PHTF2: variants seen among roughly 807,000 people sequenced by gnomAD.
PHTF2 encodes protein PHTF2.
A neutral mutation model predicts 101.2 loss-of-function variants in PHTF2; 60 were observed. That is an observed-to-expected ratio of 0.59 (90% CI 0.48 to 0.73). The LOEUF is 0.73. PHTF2 is among the 30% of genes least tolerant of loss of function. PHTF2 has a pLI of 0.00. For missense variants in PHTF2, 747 were observed against 908.7 expected (o/e 0.82, Z 2.29); for synonymous variants, 311 against 307.3 (o/e 1.01, Z -0.13).
chr7:77,819,357 T>A (rs1405099598), intron 1 of PHTF2, among the ~76,000 whole-genome samples: 1 of 152,258 alleles, frequency 6.6e-6, no homozygotes, highest in Non-Finnish European at 1.5e-5. Context: ...GTCAGTATGA[T>A]GTTAGCTTTG....
At chr7:77,949,111 G>A (rs1346783937) in intron 16 of PHTF2, among the ~76,000 whole-genome samples, 1 of 151,424 alleles carries the variant, frequency 6.6e-6, no homozygotes, top group Non-Finnish European at 1.5e-5. Flanking sequence ...CTTTAACATA[G>A]GAGTTAGAAT....
chr7:77,900,891 T>C, intron 6 of PHTF2, 111 bp downstream of exon 5: 2 of 637,428 alleles, frequency 3.1e-6, no homozygotes, highest in South Asian at 3.5e-5. Flanking sequence ...TATAAAGAAA[T>C]ACTTGAGATT....
chr7:77,922,538 A>T, intron 10 of PHTF2, 85 bp from the exon 10 acceptor site: 1 of 1,012,338 alleles, frequency 9.9e-7, no homozygotes. Flanking sequence ...GTATATATGT[A>T]TGTGTAATTT....
chr7:77,891,064 T>C, intron 3 of PHTF2, among the ~76,000 whole-genome samples: 1 of 151,510 alleles, frequency 6.6e-6, no homozygotes, highest in East Asian at 1.9e-4. Flanking sequence ...CACACTACCA[T>C]GCCCAGCTAA....
chr7:77,878,433 G>C (rs1362892472), intron 3 of PHTF2, among the ~76,000 whole-genome samples: 1 of 152,162 alleles, frequency 6.6e-6, no homozygotes, highest in African/African-American at 2.4e-5. Flanking sequence ...TTTTACAATA[G>C]TGATGTTATC....
chr7:77,923,465 C>T (rs1803670616), intron 11 of PHTF2: 1 of 985,188 alleles, frequency 1.0e-6, no homozygotes, highest in Non-Finnish European at 1.2e-6. Context: ...AAAACAAACA[C>T]ATGTTACGCT....
intron 2 of PHTF2, among the ~76,000 whole-genome samples, chr7:77,853,524 G>T (rs1796932074): frequency 6.6e-6 from 1 of 151,960 alleles, no homozygotes; most frequent in African/African-American, 2.4e-5. Flanking sequence ...CTCTTGAGTA[G>T]CTGGGACTAC....
intron 11 of PHTF2, among the ~76,000 whole-genome samples, chr7:77,925,633 T>C (rs1803917479): frequency 6.6e-6 from 1 of 150,472 alleles, no homozygotes; most frequent in African/African-American, 2.4e-5. Context: ...CCTCAGCTAA[T>C]TTTTGTATTT....
intron 1 of PHTF2, among the ~76,000 whole-genome samples, chr7:77,810,374 CA>C (rs1793340292): frequency 6.6e-6 from 1 of 152,198 alleles, no homozygotes; most frequent in South Asian, 2.1e-4. Flanking sequence ...CCAGTTACCA[CA>C]ATACTGTACT....
intron 1 of PHTF2, among the ~76,000 whole-genome samples, chr7:77,823,085 T>C (rs1371349548): frequency 6.6e-6 from 1 of 151,390 alleles, no homozygotes; most frequent in Non-Finnish European, 1.5e-5. Context: ...TTTCTATTTT[T>C]AGTAGAGACG....
At chr7:77,818,288 T>G (rs1052161064) in intron 1 of PHTF2, among the ~76,000 whole-genome samples, 1 of 152,216 alleles carries the variant, frequency 6.6e-6, no homozygotes, top group African/African-American at 2.4e-5. Context: ...TATTTTTGCT[T>G]TTGTTGCCTA....
At chr7:77,914,547 T>C (rs1249333042) in intron 9 of PHTF2, among the ~76,000 whole-genome samples, 1 of 152,126 alleles carries the variant, frequency 6.6e-6, no homozygotes. Context: ...TGGAAAGATA[T>C]TCCTAGGAAA....
Position 77,925,495 on chromosome 7 carries a change from G to GTTTTTTTTTTTT in PHTF2, c.1119+2737_1119+2748dup, listed in dbSNP as rs58290945. Among the ~76,000 whole-genome samples the GTTTTTTTTTTTT allele has an allele frequency of 1.5e-3, 110 of 73,164 alleles. 12 individuals carry two copies. The highest frequency in any genetic ancestry group is 5.9e-3 in the African/African-American group (102 of 17,298). The allele number at this position is 73,164 out of a possible 152,430, so 48.0% of individuals were successfully genotyped here. A position where few individuals can be genotyped will look rare whatever the true frequency, so the allele number is the denominator to read the frequency against. On this transcript the variant is annotated intron_variant, in intron 11 of 19. Transcript: ENST00000416283. Reference sequence around the variant, plus strand: ...GCAATTATAGGCAATAGTTTTTAGGGTTTTTTTTTTTTTTTTTTTTTTTTT... The same window carrying GTTTTTTTTTTTT: ...GCAATTATAGGCAATAGTTTTTAGGGTTTTTTTTTTTTTTTTTTTTTTTTTTTTTTTTTTTTT...
At chr7:77,826,161 A>T (rs927780356) in intron 1 of PHTF2, among the ~76,000 whole-genome samples, 1 of 152,126 alleles carries the variant, frequency 6.6e-6, no homozygotes, top group African/African-American at 2.4e-5. Context: ...AAAATTCAAG[A>T]TGGAGAATTA....
intron 2 of PHTF2, among the ~76,000 whole-genome samples, chr7:77,841,950 CACTTT>C (rs1169866601): frequency 6.6e-6 from 1 of 152,052 alleles, no homozygotes; most frequent in Non-Finnish European, 1.5e-5. Flanking sequence ...TTACATTAAA[CACTTT>C]AGACTTTACT....
chr7:77,877,502 T>A (rs966644315), intron 3 of PHTF2, among the ~76,000 whole-genome samples: 1 of 152,222 alleles, frequency 6.6e-6, no homozygotes, highest in Admixed American at 6.5e-5. Flanking sequence ...TTTGCTAAAA[T>A]GACTTTTTGG....
intron 12 of PHTF2, 30 bp from the exon 12 acceptor site, chr7:77,937,680 T>A (rs1398360831): frequency 4.2e-6 from 4 of 948,736 alleles, no homozygotes; most frequent in Non-Finnish European, 5.9e-6. Context: ...ATGTGATCTA[T>A]ATATTTACTA....
chr7:77,879,801 T>G (rs943056697), intron 3 of PHTF2, among the ~76,000 whole-genome samples: 2 of 152,198 alleles, frequency 1.3e-5, no homozygotes, highest in African/African-American at 2.4e-5. Context: ...TTTATTTTCA[T>G]AAATTGATTT....
At chr7:77,849,770 T>C (rs1796590162) in intron 2 of PHTF2, among the ~76,000 whole-genome samples, 3 of 152,226 alleles carry the variant, frequency 2.0e-5, no homozygotes, top group Admixed American at 2.0e-4. Context: ...TCTGCAGCTA[T>C]TGTAAATGGG....
Sources: allele counts gnomAD v4.1 joint callset (sites outside exome capture counted in the v4.1 genomes callset), GRCh38; gene constraint gnomAD v4.1.1; transcripts MANE v1.5; gene names NCBI Gene and HGNC (gene_info 2026-07-23, HGNC 2026-07-21).